STXBP5L: variants seen among roughly 807,000 people sequenced by gnomAD.
The protein encoded by STXBP5L is syntaxin-binding protein 5-like.
Under a neutral mutation model 144.5 loss-of-function variants are expected in STXBP5L, and 65 were observed. The ratio of observed to expected loss-of-function variants is 0.45; its 90% confidence interval spans 0.37 to 0.55. STXBP5L has a LOEUF of 0.55. Ranked by LOEUF, STXBP5L falls within the 20% of genes least tolerant of loss-of-function variation. The pLI, the probability that STXBP5L is intolerant of heterozygous loss-of-function variation, is 0.00. For synonymous variants in STXBP5L, 505 were observed against 469.6 expected, an observed-to-expected ratio of 1.08 and a Z score of -0.97; for missense variants, 1,298 against 1,405.5, an observed-to-expected ratio of 0.92 and a Z score of 1.22.
At chr3:121,107,752 G>C (rs1471491364) in intron 5 of STXBP5L, among the ~76,000 whole-genome samples, 1 of 152,148 alleles carries the variant, frequency 6.6e-6, no homozygotes, top group Non-Finnish European at 1.5e-5. Flanking sequence ...TGTGAAGAAT[G>C]TTAGTGGTAT....
intron 14 of STXBP5L, among the ~76,000 whole-genome samples, chr3:121,241,290 T>C (rs1300894905): frequency 6.6e-6 from 1 of 152,072 alleles, no homozygotes; most frequent in Non-Finnish European, 1.5e-5. Flanking sequence ...TCTTTAATCA[T>C]AGAATGAAGA....
chr3:121,262,533 G>A (rs1325551652), intron 18 of STXBP5L, among the ~76,000 whole-genome samples: 1 of 152,150 alleles, frequency 6.6e-6, no homozygotes, highest in Non-Finnish European at 1.5e-5. Flanking sequence ...GGGATACTGA[G>A]AATCGCTTGA....
intron 7 of STXBP5L, among the ~76,000 whole-genome samples, chr3:121,134,205 C>T (rs2045134349): frequency 3.3e-5 from 5 of 152,060 alleles, no homozygotes; most frequent in African/African-American, 1.2e-4. Flanking sequence ...CGAGGTGGTG[C>T]AGGGCATCAC....
chr3:121,039,345 T>A, intron 3 of STXBP5L, among the ~76,000 whole-genome samples: 1 of 151,992 alleles, frequency 6.6e-6, no homozygotes, highest in Non-Finnish European at 1.5e-5. Context: ...TATACTACTT[T>A]ATGAATGGTA....
chr3:121,165,339 T>G (rs1287383140), intron 9 of STXBP5L, among the ~76,000 whole-genome samples: 3 of 152,208 alleles, frequency 2.0e-5, no homozygotes, highest in African/African-American at 7.2e-5. Context: ...TAATTCCGCA[T>G]TGGGAACTAT....
chr3:121,055,946 G>A (rs1948431298), intron 5 of STXBP5L, among the ~76,000 whole-genome samples: 2 of 150,942 alleles, frequency 1.3e-5, no homozygotes, highest in Non-Finnish European at 2.9e-5. Flanking sequence ...TCCCACCTTA[G>A]CCTCCCAAAG....
At chr3:120,933,762 T>C (rs767791834) in intron 2 of STXBP5L, among the ~76,000 whole-genome samples, 5 of 152,080 alleles carry the variant, frequency 3.3e-5, no homozygotes, top group Non-Finnish European at 7.4e-5. Flanking sequence ...AAGAGTGATA[T>C]GGGAGGAACT....
chr3:121,006,582 A>G (rs1158460682), intron 3 of STXBP5L, among the ~76,000 whole-genome samples: 1 of 152,078 alleles, frequency 6.6e-6, no homozygotes, highest in Non-Finnish European at 1.5e-5. Flanking sequence ...TATGAATTTG[A>G]TCCTGTCATT....
At chr3:121,341,217 C>T (rs1183486278) in intron 20 of STXBP5L, among the ~76,000 whole-genome samples, 1 of 152,098 alleles carries the variant, frequency 6.6e-6, no homozygotes, top group Non-Finnish European at 1.5e-5. Flanking sequence ...GTAGACATTT[C>T]TCAACATAAG....
intron 20 of STXBP5L, among the ~76,000 whole-genome samples, chr3:121,361,759 G>C (rs1166247137): frequency 2.0e-5 from 3 of 151,618 alleles, no homozygotes; most frequent in Admixed American, 6.6e-5. Context: ...CTATATGAAA[G>C]GTCACATATC....
chr3:121,080,493 G>T (rs1276922563), intron 5 of STXBP5L, among the ~76,000 whole-genome samples: 1 of 152,086 alleles, frequency 6.6e-6, no homozygotes, highest in African/African-American at 2.4e-5. Flanking sequence ...TAGAACTTTA[G>T]AATTTCTTGT....
At chr3:121,285,947 A>G (rs1349660896) in intron 19 of STXBP5L, among the ~76,000 whole-genome samples, 2 of 152,160 alleles carry the variant, frequency 1.3e-5, no homozygotes, top group Admixed American at 6.5e-5. Context: ...TTCCAGAATC[A>G]TAAGAAATCT....
At chr3:121,245,041 G>C (rs1174239837) in intron 14 of STXBP5L, among the ~76,000 whole-genome samples, 12 of 152,080 alleles carry the variant, frequency 7.9e-5, no homozygotes, top group Admixed American at 7.9e-4. Context: ...AATATCGTAA[G>C]ATTTTAAAGA....
intron 5 of STXBP5L, among the ~76,000 whole-genome samples, chr3:121,098,350 G>A (rs1476265781): frequency 1.3e-5 from 2 of 152,166 alleles, no homozygotes. Flanking sequence ...TAGACAGGGA[G>A]CAAGAGAGAG....
At chr3:120,984,304 C>T (rs189826676) in intron 3 of STXBP5L, among the ~76,000 whole-genome samples, 5 of 152,238 alleles carry the variant, frequency 3.3e-5, no homozygotes, top group South Asian at 2.1e-4. Context: ...ATTTTATGGA[C>T]GCAGATATTT....
At chr3:121,210,911 C>T (rs113415162) in intron 10 of STXBP5L, among the ~76,000 whole-genome samples, 41 of 152,236 alleles carry the variant, frequency 2.7e-4, no homozygotes, top group African/African-American at 8.4e-4. Context: ...CTTGGCAATA[C>T]GGGACCTTTT....
intron 20 of STXBP5L, among the ~76,000 whole-genome samples, chr3:121,370,491 A>T (rs1177618544): frequency 1.3e-5 from 2 of 152,218 alleles, no homozygotes; most frequent in Non-Finnish European, 2.9e-5. Context: ...GTACAGCCCG[A>T]AGAACCATGA....
intron 18 of STXBP5L, among the ~76,000 whole-genome samples, chr3:121,263,899 A>T (rs574154600): frequency 8.5e-5 from 13 of 152,226 alleles, no homozygotes; most frequent in Non-Finnish European, 1.8e-4. Context: ...TCAGGATATT[A>T]TCCAGGAGAA....
chr3:121,132,857 GA>G (rs1483344470), intron 7 of STXBP5L, among the ~76,000 whole-genome samples: 1 of 151,978 alleles, frequency 6.6e-6, no homozygotes, highest in Non-Finnish European at 1.5e-5. Context: ...AAAATCACTA[GA>G]GGGGTCAATA....
Sources: allele counts gnomAD v4.1 joint callset (sites outside exome capture counted in the v4.1 genomes callset), GRCh38; gene constraint gnomAD v4.1.1; transcripts MANE v1.5; gene names NCBI Gene and HGNC (gene_info 2026-07-23, HGNC 2026-07-21).